COL24A1: variants seen among roughly 807,000 people sequenced by gnomAD.
COL24A1 encodes collagen type XXIV alpha 1 chain, also known as collagen alpha-1(XXIV) chain.
A neutral mutation model predicts 253.9 loss-of-function variants in COL24A1; 224 were observed. That is an observed-to-expected ratio of 0.88 (90% confidence interval 0.79 to 0.99). The LOEUF is 0.99. Ranked by LOEUF, COL24A1 falls within the 50% of genes least tolerant of loss-of-function variation. COL24A1 has a pLI of 0.00. For synonymous variants in COL24A1, 685 were observed against 673.7 expected, an observed-to-expected ratio of 1.02 and a Z score of -0.26; for missense variants, 2,131 against 2,068.5, an observed-to-expected ratio of 1.03 and a Z score of -0.59.
At chr1:85,783,894 A>G (rs1046725836) in intron 50 of COL24A1, among the ~76,000 whole-genome samples, 28 of 152,260 alleles carry the variant, frequency 1.8e-4, no homozygotes, top group African/African-American at 6.5e-4. Flanking sequence ...GCTTGGGAAA[A>G]GGGATGAAAG....
At chr1:85,748,149 G>A (rs1361835041) in intron 55 of COL24A1, among the ~76,000 whole-genome samples, 5 of 152,050 alleles carry the variant, frequency 3.3e-5, no homozygotes. Flanking sequence ...TTTCTCACTG[G>A]CATCAAATTC....
At chr1:85,742,913 A>G (rs1327048848) in intron 57 of COL24A1, among the ~76,000 whole-genome samples, 2 of 152,168 alleles carry the variant, frequency 1.3e-5, no homozygotes, top group African/African-American at 2.4e-5. Context: ...TGGAACGCTA[A>G]GCATAAAGCA....
At chr1:85,995,702 C>G (rs2101003455) in intron 19 of COL24A1, among the ~76,000 whole-genome samples, 1 of 151,984 alleles carries the variant, frequency 6.6e-6, no homozygotes, top group South Asian at 2.1e-4. Flanking sequence ...GGTCTGTGTC[C>G]CTATGTTGGA....
chr1:85,737,625 G>T, intron 57 of COL24A1, 120 bp from the exon 58 acceptor site: 1 of 621,680 alleles, frequency 1.6e-6, no homozygotes, highest in East Asian at 3.2e-5. Flanking sequence ...GTGCAGCGGT[G>T]CGATCTTGGC....
intron 57 of COL24A1, 48 bp downstream of exon 57, chr1:85,744,618 T>G (rs753385309): frequency 3.4e-6 from 5 of 1,457,440 alleles, no homozygotes; most frequent in Non-Finnish European, 4.7e-6. Flanking sequence ...CACACTGAAA[T>G]GATGAAATGA....
At chr1:86,129,932 G>A (rs1458950904) in intron 2 of COL24A1, among the ~76,000 whole-genome samples, 1 of 151,566 alleles carries the variant, frequency 6.6e-6, no homozygotes, top group Non-Finnish European at 1.5e-5. Flanking sequence ...GTTTATTTTT[G>A]TACAATTAAT....
At chr1:86,105,917 T>A (rs1055728708) in intron 5 of COL24A1, among the ~76,000 whole-genome samples, 12 of 152,220 alleles carry the variant, frequency 7.9e-5, no homozygotes, top group African/African-American at 2.6e-4. Context: ...CCCAGCTTCC[T>A]CCCTCTTCAG....
At chr1:85,936,456 C>T (rs971432601) in intron 24 of COL24A1, among the ~76,000 whole-genome samples, 10 of 147,296 alleles carry the variant, frequency 6.8e-5, no homozygotes, top group Non-Finnish European at 1.1e-4. Flanking sequence ...TAAAAGATCT[C>T]GTCAGTATGT....
At chr1:86,003,347 T>C (rs1157697637) in intron 19 of COL24A1, among the ~76,000 whole-genome samples, 1 of 152,170 alleles carries the variant, frequency 6.6e-6, no homozygotes, top group Non-Finnish European at 1.5e-5. Flanking sequence ...AGAAATGTTA[T>C]ATACAGAATT....
chr1:85,831,951 T>C (rs1434884953), intron 43 of COL24A1, among the ~76,000 whole-genome samples: 1 of 152,120 alleles, frequency 6.6e-6, no homozygotes. Context: ...TTTGTCAATT[T>C]TTGCTTTTGT....
chr1:86,095,729 C>T (rs781222570), intron 5 of COL24A1, among the ~76,000 whole-genome samples: 9 of 151,924 alleles, frequency 5.9e-5, no homozygotes, highest in Non-Finnish European at 1.3e-4. Context: ...ACCTCAGTAC[C>T]GACTTCCACT....
At chr1:85,923,960 A>G (rs923880538) in intron 24 of COL24A1, among the ~76,000 whole-genome samples, 11 of 152,200 alleles carry the variant, frequency 7.2e-5, no homozygotes, top group African/African-American at 2.2e-4. Flanking sequence ...AGAATCAAAC[A>G]GACGCAATAA....
intron 24 of COL24A1, among the ~76,000 whole-genome samples, chr1:85,920,603 T>G (rs923488166): frequency 6.6e-6 from 1 of 152,088 alleles, no homozygotes; most frequent in Non-Finnish European, 1.5e-5. Flanking sequence ...TTAACATCAC[T>G]GTGTTTAATG....
At chr1:85,997,055 G>GTGTGTGTATA in intron 19 of COL24A1, among the ~76,000 whole-genome samples, 1 of 95,090 alleles carries the variant, frequency 1.1e-5, no homozygotes, top group African/African-American at 3.2e-5. Flanking sequence ...GTGTGTGTGT[G>GTGTGTGTATA]TATATATATA....
chr1:85,774,701 T>C (rs1257123958), intron 53 of COL24A1, among the ~76,000 whole-genome samples: 2 of 152,354 alleles, frequency 1.3e-5, no homozygotes, highest in South Asian at 2.1e-4. Flanking sequence ...TGTATTTCTG[T>C]GGGATTGGTG....
At chr1:85,965,765 C>T (rs865824849) in intron 22 of COL24A1, among the ~76,000 whole-genome samples, 32 of 152,100 alleles carry the variant, frequency 2.1e-4, no homozygotes, top group South Asian at 1.4e-3. Flanking sequence ...GAAAAGTGTT[C>T]CAGGCAGAGG....
chr1:85,799,246 AG>A (rs1671167393), intron 47 of COL24A1, among the ~76,000 whole-genome samples: 1 of 151,860 alleles, frequency 6.6e-6, no homozygotes, highest in Non-Finnish European at 1.5e-5. Context: ...AAAGAAAGAA[AG>A]AAAAGAAAAG....
At chr1:85,973,863 T>G (rs1199617920) in intron 20 of COL24A1, among the ~76,000 whole-genome samples, 1 of 152,168 alleles carries the variant, frequency 6.6e-6, no homozygotes, top group African/African-American at 2.4e-5. Context: ...AAAAATCTAG[T>G]TATATGCCAT....
At chr1:86,047,967 G>T (rs1320609471) in intron 11 of COL24A1, among the ~76,000 whole-genome samples, 1 of 152,018 alleles carries the variant, frequency 6.6e-6, no homozygotes, top group Non-Finnish European at 1.5e-5. Flanking sequence ...CAAGTCAACA[G>T]TGTTTAAAAA....
Sources: allele counts gnomAD v4.1 joint callset (sites outside exome capture counted in the v4.1 genomes callset), GRCh38; gene constraint gnomAD v4.1.1; transcripts MANE v1.5; gene names NCBI Gene and HGNC (gene_info 2026-07-23, HGNC 2026-07-21).